UBE2W: variants seen among roughly 807,000 people sequenced by gnomAD.
UBE2W encodes ubiquitin-conjugating enzyme E2 W.
Under a neutral mutation model 27.2 loss-of-function variants are expected in UBE2W, and 18 were observed. That is an observed-to-expected ratio of 0.66 (90% CI 0.46 to 0.98). The LOEUF (loss-of-function observed/expected upper bound fraction) is 0.98. Ranked by LOEUF, UBE2W falls within the 50% of genes least tolerant of loss-of-function variation. UBE2W has a pLI of 0.00. For missense variants in UBE2W, 90 were observed against 180.2 expected (o/e 0.50, Z 2.87); for synonymous variants, 53 against 57.2 (o/e 0.93, Z 0.33).
intron 3 of UBE2W, among the ~76,000 whole-genome samples, chr8:73,812,452 T>C (rs1809191039): frequency 6.6e-6 from 1 of 151,860 alleles, no homozygotes; most frequent in South Asian, 2.1e-4. Flanking sequence ...GCTTACATGG[T>C]CTTATAGTTC....
chr8:73,850,352 C>T (rs1170605797), intron 1 of UBE2W, among the ~76,000 whole-genome samples: 3 of 152,032 alleles, frequency 2.0e-5, no homozygotes, highest in Non-Finnish European at 2.9e-5. Context: ...TAAAACGGAA[C>T]AGACATGCCA....
intron 1 of UBE2W, among the ~76,000 whole-genome samples, chr8:73,851,723 G>A (rs1238121655): frequency 6.6e-6 from 1 of 152,092 alleles, no homozygotes; most frequent in East Asian, 1.9e-4. Flanking sequence ...TGAACAACTG[G>A]AGGAATCAAA....
intron 1 of UBE2W, among the ~76,000 whole-genome samples, chr8:73,868,438 C>T (rs935981094): frequency 1.3e-5 from 2 of 152,188 alleles, no homozygotes; most frequent in African/African-American, 4.8e-5. Context: ...TTAAAATATC[C>T]TTTATAATAC....
chr8:73,796,741 T>C (rs1808437972), intron 5 of UBE2W: 12 of 785,460 alleles, frequency 1.5e-5, no homozygotes, highest in Non-Finnish European at 1.9e-5. Context: ...GATACAACTA[T>C]GAGCCAAAGC....
chr8:73,835,423 T>A (rs1304047693), intron 1 of UBE2W, among the ~76,000 whole-genome samples: 1 of 152,138 alleles, frequency 6.6e-6, no homozygotes, highest in Non-Finnish European at 1.5e-5. Context: ...GGTGTGTCAC[T>A]CCCAAGATTA....
intron 3 of UBE2W, among the ~76,000 whole-genome samples, chr8:73,813,109 A>AAAAG (rs1554580723): frequency 4.2e-5 from 6 of 143,170 alleles, no homozygotes; most frequent in African/African-American, 1.6e-4. Flanking sequence ...AAAAAAAAAA[A>AAAAG]GAACAACTGC....
At chr8:73,835,193 A>T (rs1810256492) in intron 1 of UBE2W, among the ~76,000 whole-genome samples, 1 of 151,880 alleles carries the variant, frequency 6.6e-6, no homozygotes, top group Non-Finnish European at 1.5e-5. Flanking sequence ...TTGGTATATC[A>T]TCCCTGGTCT....
chr8:73,873,533 A>G (rs1408250057), intron 1 of UBE2W, among the ~76,000 whole-genome samples: 3 of 152,092 alleles, frequency 2.0e-5, no homozygotes, highest in African/African-American at 7.2e-5. Flanking sequence ...TGGCGTGTCT[A>G]TAGTCCCAGC....
At chr8:73,802,399 C>T (rs576372765) in intron 5 of UBE2W, among the ~76,000 whole-genome samples, 5 of 152,154 alleles carry the variant, frequency 3.3e-5, no homozygotes, top group African/African-American at 9.6e-5. Context: ...CTTTCATAAA[C>T]GGTTTATTTT....
At chr8:73,785,240 G>A (rs1013412447), downstream of UBE2W, among the ~76,000 whole-genome samples, 1 of 152,064 alleles carries the variant, frequency 6.6e-6, no homozygotes, top group Non-Finnish European at 1.5e-5. Flanking sequence ...CTGCCTCCCG[G>A]GTTCAAGCAA....
At chr8:73,874,557 A>G (rs1480765475) in intron 1 of UBE2W, among the ~76,000 whole-genome samples, 3 of 152,260 alleles carry the variant, frequency 2.0e-5, no homozygotes, top group Non-Finnish European at 4.4e-5. Context: ...TTAGAATCAC[A>G]TAAAAATTCA....
At position 73,809,461 on chromosome 8, in the gene UBE2W, G is replaced by A. The variant is rs1389064230; in HGVS notation, c.366+1013C>T. Among the ~76,000 whole-genome samples the A allele has an allele frequency of 2.0e-5, 3 of 152,296 alleles. No homozygotes were observed. The East Asian group carries it at 5.8e-4, about 29-fold the overall frequency. ...AGGGATTTAAGAGGGGTTTTAAAAT[G>A]TAGAAATACATAAATGTTATGCTAT... On this transcript the variant is annotated intron_variant, in intron 4 of 5. Transcript: ENST00000602593.
Position 73,805,666 on chromosome 8 carries a change from T to C in UBE2W, c.427A>G (p.Lys143Glu), listed in dbSNP as rs1278041220. The change falls in exon 5 of 6, where the codon AAA becomes GAA. Residue 143 changes from lysine to glutamate, a missense_variant. Transcript: ENST00000602593. ...RTCNKNPKKT[K>E]WWYHDDTC is the part of the protein sequence containing the mutation. ...AACTGCTTACCATGATACCACCATTTTGTTTTCTTTGGATTCTTGTTACAT... is the reference window on the plus strand; with the variant it reads ...AACTGCTTACCATGATACCACCATTCTGTTTTCTTTGGATTCTTGTTACAT... 3 of 1,546,860 alleles carry C rather than the reference T, an allele frequency of 1.9e-6. No homozygotes were observed. The highest frequency in any genetic ancestry group is 2.6e-6 in the Non-Finnish European group (3 of 1,141,696).
At chr8:73,814,653 G>A (rs532234072) in intron 3 of UBE2W, among the ~76,000 whole-genome samples, 21 of 152,144 alleles carry the variant, frequency 1.4e-4, no homozygotes, top group African/African-American at 4.6e-4. Context: ...CAAGTAGCTG[G>A]GATTACAGGC....
intron 1 of UBE2W, among the ~76,000 whole-genome samples, chr8:73,866,284 A>ATAT (rs1479673786): frequency 1.0e-4 from 10 of 95,306 alleles, no homozygotes; most frequent in African/African-American, 3.4e-4. Context: ...AAAAAAAAAA[A>ATAT]AAAAAAATAT....
At chr8:73,800,223 A>G (rs1223024494) in intron 5 of UBE2W, among the ~76,000 whole-genome samples, 1 of 152,230 alleles carries the variant, frequency 6.6e-6, no homozygotes, top group Non-Finnish European at 1.5e-5. Flanking sequence ...TCCTAGTTGG[A>G]TGACAGAACA....
At chr8:73,843,151 T>C (rs1810617537) in intron 1 of UBE2W, among the ~76,000 whole-genome samples, 1 of 152,142 alleles carries the variant, frequency 6.6e-6, no homozygotes, top group African/African-American at 2.4e-5. Flanking sequence ...GAAGGTAAGC[T>C]GGTGATTGCC....
At chr8:73,812,537 T>C (rs1392700128) in intron 3 of UBE2W, among the ~76,000 whole-genome samples, 1 of 152,210 alleles carries the variant, frequency 6.6e-6, no homozygotes, top group Non-Finnish European at 1.5e-5. Flanking sequence ...GTTTATTACA[T>C]CATATGCATC....
At chr8:73,868,327 AGAACATAGCCACATACCCCACG>A (rs999570552) in intron 1 of UBE2W, among the ~76,000 whole-genome samples, 27 of 152,376 alleles carry the variant, frequency 1.8e-4, no homozygotes, top group African/African-American at 6.3e-4. Context: ...TTGGTGAATA[AGAACATAGCCACATACCCCACG>A]GGGCCAAAGG....
Sources: gnomAD v4.1 joint callset for allele counts (sites outside exome capture counted in the v4.1 genomes callset) on GRCh38, gnomAD v4.1.1 for gene constraint, MANE v1.5 for transcripts, NCBI Gene and HGNC (gene_info 2026-07-23, HGNC 2026-07-21) for gene names.